The following FBXL20 variants were observed in gnomAD, a reference collection of about 807,000 sequenced individuals.
FBXL20 encodes the protein F-box/LRR-repeat protein 20.
A neutral mutation model predicts 64.0 loss-of-function variants in FBXL20; 11 were observed. That is an observed-to-expected ratio of 0.17 (90% CI 0.11 to 0.28). FBXL20 has a LOEUF of 0.28. Ranked by LOEUF, FBXL20 falls within the 10% of genes least tolerant of loss-of-function variation. FBXL20 has a pLI of 1.00. For missense variants in FBXL20, 303 were observed against 526.2 expected, an observed-to-expected ratio of 0.58 and a Z score of 4.15; for synonymous variants, 184 against 189.0, an observed-to-expected ratio of 0.97 and a Z score of 0.22.
intron 2 of FBXL20, among the ~76,000 whole-genome samples, chr17:39,328,583 C>T (rs540579764): frequency 1.1e-4 from 16 of 152,238 alleles, no homozygotes; most frequent in African/African-American, 3.6e-4. Context: ...TAAACACAAA[C>T]AAATAACAAA....
chr17:39,265,545 GC>G, intron 12 of FBXL20, 92 bp from the exon 13 acceptor site: 1 of 951,842 alleles, frequency 1.1e-6, no homozygotes, highest in Non-Finnish European at 1.6e-6. Context: ...TTGCTCTGTT[GC>G]CCAGGCTAGA....
intron 1 of FBXL20, among the ~76,000 whole-genome samples, chr17:39,380,479 A>G (rs978678873): frequency 6.6e-6 from 1 of 152,198 alleles, no homozygotes; most frequent in Non-Finnish European, 1.5e-5. Context: ...TCCTTTGGCT[A>G]TAATGATCTT....
chr17:39,318,830 C>T (rs967055843), intron 2 of FBXL20, among the ~76,000 whole-genome samples: 2 of 152,142 alleles, frequency 1.3e-5, no homozygotes, highest in African/African-American at 4.8e-5. Flanking sequence ...CTTAAATAAA[C>T]CCAGAAACTC....
At chr17:39,269,794 G>A (rs142572013) in intron 11 of FBXL20, among the ~76,000 whole-genome samples, 4 of 152,104 alleles carry the variant, frequency 2.6e-5, no homozygotes, top group South Asian at 2.1e-4. Flanking sequence ...CACCGCGCCC[G>A]GCCTTTTGTA....
chr17:39,264,034 T>C, intron 14 of FBXL20, 141 bp downstream of exon 14: 1 of 897,800 alleles, frequency 1.1e-6, no homozygotes, highest in East Asian at 2.6e-5. Flanking sequence ...TGTCCTTAGG[T>C]TTGCACTTTT....
At chr17:39,327,188 G>A (rs1434688418) in intron 2 of FBXL20, among the ~76,000 whole-genome samples, 1 of 152,106 alleles carries the variant, frequency 6.6e-6, no homozygotes, top group African/African-American at 2.4e-5. Flanking sequence ...ACCCAGCCCT[G>A]TCTTGGCCTT....
chr17:39,295,090 GA>G (rs2047072881), intron 6 of FBXL20, among the ~76,000 whole-genome samples: 4 of 152,126 alleles, frequency 2.6e-5, no homozygotes, highest in Non-Finnish European at 4.4e-5. Context: ...AACAAGAGGG[GA>G]TAAGTGGGTG....
At chr17:39,343,111 TA>T in intron 2 of FBXL20, 68 bp downstream of exon 2, 2 of 1,211,374 alleles carry the variant, frequency 1.7e-6, no homozygotes, top group South Asian at 1.5e-5. Flanking sequence ...AGCAAAAAGT[TA>T]AAAAATTTTA....
intron 1 of FBXL20, among the ~76,000 whole-genome samples, chr17:39,349,495 G>A (rs1241453477): frequency 6.6e-6 from 1 of 151,818 alleles, no homozygotes; most frequent in Non-Finnish European, 1.5e-5. Context: ...GGTTGAGGCA[G>A]GAGGATAGCT....
At chr17:39,386,044 A>C (rs1229796363) in intron 1 of FBXL20, among the ~76,000 whole-genome samples, 1 of 145,790 alleles carries the variant, frequency 6.9e-6, no homozygotes, top group Non-Finnish European at 1.5e-5. Flanking sequence ...AAAAAAAAAA[A>C]ACACCAACTA....
chr17:39,290,646 C>T (rs2047029290), intron 6 of FBXL20, among the ~76,000 whole-genome samples: 1 of 151,860 alleles, frequency 6.6e-6, no homozygotes, highest in Non-Finnish European at 1.5e-5. Flanking sequence ...TTCACTATAC[C>T]CTCGACCTCC....
intron 1 of FBXL20, among the ~76,000 whole-genome samples, chr17:39,362,215 C>T (rs1037178726): frequency 6.6e-6 from 1 of 152,016 alleles, no homozygotes; most frequent in African/African-American, 2.4e-5. Context: ...ATGGCGTGAA[C>T]CCGGGAGGCA....
intron 9 of FBXL20, among the ~76,000 whole-genome samples, chr17:39,275,532 C>T (rs1330920451): frequency 6.6e-6 from 1 of 152,010 alleles, no homozygotes; most frequent in Non-Finnish European, 1.5e-5. Context: ...GTGCCTCAGC[C>T]TCCTGACTAG....
At chr17:39,343,844 T>C (rs899508219) in intron 1 of FBXL20, among the ~76,000 whole-genome samples, 1 of 152,042 alleles carries the variant, frequency 6.6e-6, no homozygotes, top group Non-Finnish European at 1.5e-5. Flanking sequence ...TACAGGTGCA[T>C]GCCACCATGC....
chr17:39,360,395 G>A (rs2047783284), intron 1 of FBXL20, among the ~76,000 whole-genome samples: 1 of 152,048 alleles, frequency 6.6e-6, no homozygotes, highest in African/African-American at 2.4e-5. Flanking sequence ...TACATCTTAT[G>A]CATATTTTAT....
At chr17:39,391,358 G>A (rs1001759544) in intron 1 of FBXL20, among the ~76,000 whole-genome samples, 1 of 151,746 alleles carries the variant, frequency 6.6e-6, no homozygotes, top group Non-Finnish European at 1.5e-5. Context: ...TTTAATAGCA[G>A]ATGTAAGCAA....
intron 3 of FBXL20, among the ~76,000 whole-genome samples, chr17:39,301,319 T>C (rs1173403188): frequency 2.0e-5 from 3 of 152,160 alleles, no homozygotes; most frequent in African/African-American, 4.8e-5. Context: ...AGGCCAGGCA[T>C]GGTGACTCAA....
At chr17:39,364,522 T>C (rs1044198680) in intron 1 of FBXL20, among the ~76,000 whole-genome samples, 5 of 151,994 alleles carry the variant, frequency 3.3e-5, no homozygotes, top group African/African-American at 4.8e-5. Flanking sequence ...GGCGGGAGGA[T>C]TGCTTGAGCC....
At chr17:39,317,052 T>C (rs1385247950) in intron 2 of FBXL20, among the ~76,000 whole-genome samples, 1 of 152,190 alleles carries the variant, frequency 6.6e-6, no homozygotes, top group African/African-American at 2.4e-5. Flanking sequence ...ATAGCATAAT[T>C]TAATATCTTA....
Sources: allele counts gnomAD v4.1 joint callset (sites outside exome capture counted in the v4.1 genomes callset), GRCh38; gene constraint gnomAD v4.1.1; transcripts MANE v1.5; gene names NCBI Gene and HGNC (gene_info 2026-07-23, HGNC 2026-07-21).